Variants in PSD3 observed in about 807,000 individuals in gnomAD.
PSD3 encodes pleckstrin and Sec7 domain containing 3.
In PSD3, 49 loss-of-function variants were observed where a neutral mutation model predicts 105.5. The observed-to-expected ratio is 0.46, with a 90% CI of 0.37 to 0.59. The LOEUF (loss-of-function observed/expected upper bound fraction) is 0.59, where lower values mean the gene tolerates loss of function less well. Among genes scored for constraint, PSD3 ranks in the 20% least tolerant of loss-of-function variants. The pLI is 0.00. For synonymous variants in PSD3, 557 were observed against 457.8 expected, an observed-to-expected ratio of 1.22 and a Z score of -2.77; for missense variants, 1,561 against 1,263.8, an observed-to-expected ratio of 1.24 and a Z score of -3.57.
intron 9 of PSD3, among the ~76,000 whole-genome samples, chr8:18,692,232 C>T (rs1190383086): frequency 6.6e-6 from 1 of 152,158 alleles, no homozygotes; most frequent in Non-Finnish European, 1.5e-5. Context: ...AGAGAGATTC[C>T]TCTTCCCACT....
At chr8:18,720,362 C>T (rs1157159582) in intron 9 of PSD3, among the ~76,000 whole-genome samples, 1 of 152,142 alleles carries the variant, frequency 6.6e-6, no homozygotes, top group Non-Finnish European at 1.5e-5. Flanking sequence ...TAAGGTGACT[C>T]TTTGGATTGA....
At chr8:18,829,716 C>T (rs376315523) in intron 4 of PSD3, among the ~76,000 whole-genome samples, 2 of 152,090 alleles carry the variant, frequency 1.3e-5, no homozygotes, top group East Asian at 3.9e-4. Flanking sequence ...TTCACAATCT[C>T]GTAGCACTGT....
At chr8:19,036,124 A>G (rs1827936800) in intron 1 of PSD3, among the ~76,000 whole-genome samples, 1 of 152,146 alleles carries the variant, frequency 6.6e-6, no homozygotes. Flanking sequence ...TAGTTTCCTA[A>G]TACAGAAAGG....
chr8:18,688,053 G>A (rs1220843846), intron 9 of PSD3, among the ~76,000 whole-genome samples: 2 of 152,122 alleles, frequency 1.3e-5, no homozygotes, highest in Non-Finnish European at 2.9e-5. Flanking sequence ...ACAGATGTGA[G>A]CCACTACGCT....
At chr8:18,649,941 C>A (rs1171025063) in intron 10 of PSD3, among the ~76,000 whole-genome samples, 1 of 152,208 alleles carries the variant, frequency 6.6e-6, no homozygotes, top group Non-Finnish European at 1.5e-5. Context: ...CAGATGCTAG[C>A]ATCATACTTC....
intron 8 of PSD3, among the ~76,000 whole-genome samples, chr8:18,774,202 A>G (rs1807814347): frequency 6.6e-6 from 1 of 152,204 alleles, no homozygotes; most frequent in African/African-American, 2.4e-5. Context: ...TTAAAGACAC[A>G]AAATATTTTA....
chr8:18,599,887 T>C (rs955116589), intron 12 of PSD3, among the ~76,000 whole-genome samples: 2 of 152,126 alleles, frequency 1.3e-5, no homozygotes, highest in Admixed American at 1.3e-4. Flanking sequence ...ATACCTAACA[T>C]AAAATTTAAT....
chr8:18,595,440 G>GAC (rs1491226059), intron 12 of PSD3, among the ~76,000 whole-genome samples: 1 of 9,834 alleles, frequency 1.0e-4, no homozygotes, highest in African/African-American at 1.8e-4. Flanking sequence ...TGAATGTATT[G>GAC]AGAGAGAGAG....
At chr8:18,657,115 C>T (rs752803773) in intron 9 of PSD3, among the ~76,000 whole-genome samples, 1 of 152,176 alleles carries the variant, frequency 6.6e-6, no homozygotes, top group African/African-American at 2.4e-5. Flanking sequence ...TGTCATCTAA[C>T]CTCTTGTCTT....
At chr8:18,892,826 T>C (rs1395021007) in intron 2 of PSD3, among the ~76,000 whole-genome samples, 1 of 151,884 alleles carries the variant, frequency 6.6e-6, no homozygotes, top group Non-Finnish European at 1.5e-5. Context: ...GTTTTCACCA[T>C]GTTGGCCAGG....
chr8:18,582,443 T>TC (rs552439787), intron 12 of PSD3, among the ~76,000 whole-genome samples: 188 of 152,226 alleles, frequency 1.2e-3, no homozygotes, highest in Non-Finnish European at 2.2e-3. Context: ...TTGCACAGGC[T>TC]CCTCCTCCTT....
intron 1 of PSD3, among the ~76,000 whole-genome samples, chr8:18,956,672 T>C (rs1823592213): frequency 6.6e-6 from 1 of 152,202 alleles, no homozygotes; most frequent in Non-Finnish European, 1.5e-5. Context: ...CACTTTAATA[T>C]TTTCTCAGTT....
At chr8:18,782,304 C>T (rs973185052) in intron 8 of PSD3, among the ~76,000 whole-genome samples, 6 of 151,954 alleles carry the variant, frequency 3.9e-5, no homozygotes, top group Non-Finnish European at 8.8e-5. Context: ...TCATCCAACT[C>T]TATGGATTGG....
intron 9 of PSD3, among the ~76,000 whole-genome samples, chr8:18,693,397 T>C (rs1209858978): frequency 6.6e-6 from 1 of 152,218 alleles, no homozygotes; most frequent in African/African-American, 2.4e-5. Context: ...CTTGGCTTTG[T>C]CATTGACTGG....
chr8:18,934,383 T>C (rs1346549485), intron 2 of PSD3, among the ~76,000 whole-genome samples: 21 of 152,238 alleles, frequency 1.4e-4, no homozygotes, highest in Admixed American at 1.4e-3. Flanking sequence ...AACACTTTTA[T>C]AGCACTTATT....
chr8:18,970,530 C>T (rs1488016897), intron 1 of PSD3, among the ~76,000 whole-genome samples: 1 of 152,064 alleles, frequency 6.6e-6, no homozygotes, highest in East Asian at 1.9e-4. Flanking sequence ...CACCTTTATA[C>T]AACTTCCCAT....
chr8:18,607,744 T>C (rs1196924505), intron 11 of PSD3, among the ~76,000 whole-genome samples: 1 of 149,890 alleles, frequency 6.7e-6, no homozygotes, highest in East Asian at 2.0e-4. Flanking sequence ...ATTCTCACAT[T>C]GCTAATAAAG....
At chr8:18,994,183 A>G (rs796524195) in intron 1 of PSD3, among the ~76,000 whole-genome samples, 1 of 152,104 alleles carries the variant, frequency 6.6e-6, no homozygotes, top group Non-Finnish European at 1.5e-5. Context: ...AAATTATCCT[A>G]AACAACATTG....
At position 18,872,652 on chromosome 8, in the gene PSD3, T is replaced by C. The variant is rs753643736; in HGVS notation, c.212A>G (p.Glu71Gly). 1.9e-6 allele frequency: 3 copies of C among 1,611,440 alleles called. No homozygotes were observed. Among genetic ancestry groups the C allele is most frequent in the Admixed American group, 1.7e-5 (1 of 59,304 alleles). The change falls in exon 3 of 16, where the codon GAA becomes GGA. Residue 71 changes from glutamate to glycine, a missense_variant. Coordinates refer to ENST00000327040, the MANE Select transcript of PSD3 (RefSeq NM_015310.4). ...AAATTCCAGAGAAGCCCTTAGGCCT[T>C]CTCCACCTTCCTCCATGGTCCCATA... ...PEYGTMEEGGEGLRASLEFDG... is the reference protein window; with the variant it reads ...PEYGTMEEGGGGLRASLEFDG...
Sources: allele counts gnomAD v4.1 joint callset (sites outside exome capture counted in the v4.1 genomes callset), GRCh38; gene constraint gnomAD v4.1.1; transcripts MANE v1.5; gene names NCBI Gene and HGNC (gene_info 2026-07-23, HGNC 2026-07-21).